The following TMEM87A variants were observed in gnomAD, a reference collection of about 807,000 sequenced individuals.
The protein encoded by TMEM87A is transmembrane protein 87A.
TMEM87A carries 50 observed loss-of-function variants against 90.0 expected under a neutral mutation model. The ratio of observed to expected loss-of-function variants is 0.56; its 90% CI spans 0.44 to 0.70. The LOEUF is 0.70. Ranked by LOEUF, TMEM87A falls within the 30% of genes least tolerant of loss-of-function variation. TMEM87A has a pLI of 0.00. For missense variants in TMEM87A, 577 were observed against 660.5 expected (o/e 0.87, Z 1.39); for synonymous variants, 226 against 226.7 (o/e 1.00, Z 0.03).
intron 1 of TMEM87A, chr15:42,272,862 A>C: frequency 2.2e-6 from 1 of 446,088 alleles, no homozygotes; most frequent in Non-Finnish European, 4.4e-6. Flanking sequence ...AAGAAAAAGA[A>C]AGAAAGAAAT....
rs543577937 is a variant in TMEM87A at position 42,225,678 on chromosome 15, T to C, written c.1403+1128A>G. Among the ~76,000 whole-genome samples the C allele has an allele frequency of 4.6e-5, 7 of 152,232 alleles. No homozygotes were observed. In the East Asian group the frequency reaches 1.4e-3, roughly 30 times the overall value. On this transcript the variant is annotated intron_variant, in intron 15 of 19. Transcript: ENST00000389834. ...TCCCGAGTAGCTGGGATTAGAGGTG[T>C]GCACTGCCATGCTCGGTTAATTTTT...
chr15:42,239,631 C>A (rs553492018), intron 8 of TMEM87A, 39 bp downstream of exon 8: 1 of 1,543,710 alleles, frequency 6.5e-7, no homozygotes, highest in East Asian at 2.2e-5. Flanking sequence ...GAACCCAAAA[C>A]CATCCAATAC....
At chr15:42,241,414 A>C (rs1010908930) in intron 7 of TMEM87A, among the ~76,000 whole-genome samples, 3 of 152,238 alleles carry the variant, frequency 2.0e-5, no homozygotes, top group Non-Finnish European at 4.4e-5. Flanking sequence ...AGGAAATAAC[A>C]TGAACAAAAC....
chr15:42,264,699 A>ATTTTTTT (rs1555409717), intron 3 of TMEM87A, among the ~76,000 whole-genome samples: 19 of 109,434 alleles, frequency 1.7e-4, no homozygotes, highest in African/African-American at 5.5e-4. Context: ...ATATATATAT[A>ATTTTTTT]TTTTTTTTTT....
At chr15:42,243,615 G>GT (rs2050915386) in intron 7 of TMEM87A, among the ~76,000 whole-genome samples, 1 of 151,036 alleles carries the variant, frequency 6.6e-6, no homozygotes. Flanking sequence ...CATCTCCCGG[G>GT]TTCAAGCGAT....
At chr15:42,243,569 G>A (rs1156767872) in intron 7 of TMEM87A, among the ~76,000 whole-genome samples, 6 of 149,016 alleles carry the variant, frequency 4.0e-5, no homozygotes, top group Non-Finnish European at 7.4e-5. Context: ...GCCCAGGCTG[G>A]AGTGGAATGG....
intron 8 of TMEM87A, among the ~76,000 whole-genome samples, chr15:42,238,823 T>C (rs1041050417): frequency 7.5e-5 from 11 of 146,390 alleles, no homozygotes; most frequent in African/African-American, 2.8e-4. Flanking sequence ...AAGACAACAC[T>C]GAAGAAGAAA....
chr15:42,231,800 T>C (rs1215237122), intron 11 of TMEM87A: 25 of 1,036,750 alleles, frequency 2.4e-5, no homozygotes, highest in Non-Finnish European at 3.2e-5. Context: ...ATGTTTTTTA[T>C]ATAACCCTAA....
At chr15:42,238,749 C>CTTTTTTTTT (rs374648537) in intron 8 of TMEM87A, among the ~76,000 whole-genome samples, 1 of 119,600 alleles carries the variant, frequency 8.4e-6, no homozygotes, top group African/African-American at 3.2e-5. Context: ...GTGAGACTCT[C>CTTTTTTTTT]TTTTTTTTTT....
intron 6 of TMEM87A, chr15:42,258,009 C>T (rs1324121244): frequency 3.4e-5 from 33 of 973,248 alleles, no homozygotes; most frequent in Non-Finnish European, 4.0e-5. Flanking sequence ...TACAATTCTT[C>T]TGAGATCAGA....
chr15:42,249,897 C>T (rs965554980), intron 6 of TMEM87A, among the ~76,000 whole-genome samples: 10 of 152,024 alleles, frequency 6.6e-5, no homozygotes, highest in Non-Finnish European at 1.5e-4. Flanking sequence ...TTATTGTGTG[C>T]GAGTCTAAGT....
Position 42,244,074 on chromosome 15 carries a change from T to G in TMEM87A, c.598A>C (p.Asn200His). 1 of 1,569,990 alleles carries G rather than the reference T, an allele frequency of 6.4e-7. No homozygotes were observed. The highest frequency in any genetic ancestry group is 8.6e-7 in the Non-Finnish European group (1 of 1,166,144). Residue 200 changes from asparagine to histidine, a missense_variant, in exon 7 of 20, where the codon AAT becomes CAT. Transcript: ENST00000389834. ...CTGGTAAAAAGATTACTCAGTGAATTTTCTTTTGATGATTCCTTTGAGGAT... is the reference window on the plus strand; with the variant it reads ...CTGGTAAAAAGATTACTCAGTGAATGTTCTTTTGATGATTCCTTTGAGGAT... The part of the protein sequence containing the change: ...ISSSKESSKE[N>H]SLSNLFTMTV...
At chr15:42,235,137 C>T (rs917580254) in intron 10 of TMEM87A, among the ~76,000 whole-genome samples, 7 of 152,186 alleles carry the variant, frequency 4.6e-5, no homozygotes, top group Admixed American at 1.3e-4. Context: ...CTCCAGGGTT[C>T]AAGCGATTCT....
chr15:42,220,939 CCG>C (rs1475740609), intron 15 of TMEM87A, among the ~76,000 whole-genome samples: 2 of 152,050 alleles, frequency 1.3e-5, no homozygotes, highest in Non-Finnish European at 2.9e-5. Context: ...GTACAGGCGC[CCG>C]CCACGATGCC....
At chr15:42,267,128 A>G (rs2051422377) in intron 3 of TMEM87A, among the ~76,000 whole-genome samples, 1 of 152,222 alleles carries the variant, frequency 6.6e-6, no homozygotes, top group Non-Finnish European at 1.5e-5. Flanking sequence ...GATGAGATGA[A>G]GAGGGCAGGG....
At position 42,227,774 on chromosome 15, in the gene TMEM87A, C is replaced by G. The variant is rs1189110085; in HGVS notation, c.1241-5G>C. 3.1e-6 allele frequency: 5 copies of G among 1,613,524 alleles called. No homozygotes were observed. The highest frequency in any genetic ancestry group is 3.4e-6 in the Non-Finnish European group (4 of 1,179,804). On this transcript the variant is annotated splice_region_variant and splice_polypyrimidine_tract_variant and intron_variant, in intron 13 of 19. Coordinates refer to ENST00000389834, the MANE Select transcript of TMEM87A (RefSeq NM_015497.5). ...AGATGATAAACACAATGGATGCTAA[C>G]AGTAAATGAAAAACCAGGTCAGAGT...
At chr15:42,249,276 T>G (rs2051040087) in intron 6 of TMEM87A, among the ~76,000 whole-genome samples, 1 of 152,240 alleles carries the variant, frequency 6.6e-6, no homozygotes, top group South Asian at 2.1e-4. Context: ...TGTGTCTCTA[T>G]GTCCATCAGT....
At chr15:42,246,382 G>C (rs1460047231) in intron 6 of TMEM87A, among the ~76,000 whole-genome samples, 1 of 152,072 alleles carries the variant, frequency 6.6e-6, no homozygotes, top group African/African-American at 2.4e-5. Context: ...TGCCATGTTG[G>C]TTTGTTGCAC....
At chr15:42,257,021 CGAT>C (rs1346889140) in intron 6 of TMEM87A, among the ~76,000 whole-genome samples, 7 of 152,100 alleles carry the variant, frequency 4.6e-5, no homozygotes, top group African/African-American at 1.4e-4. Flanking sequence ...CCTGGCTTAA[CGAT>C]AACTTTTTAA....
Sources: gnomAD v4.1 joint callset for allele counts (sites outside exome capture counted in the v4.1 genomes callset) on GRCh38, gnomAD v4.1.1 for gene constraint, MANE v1.5 for transcripts, NCBI Gene and HGNC (gene_info 2026-07-23, HGNC 2026-07-21) for gene names.